ABCC9: variants seen among roughly 807,000 people sequenced by gnomAD.
The protein encoded by ABCC9 is ATP-binding cassette sub-family C member 9.
In ABCC9, 95 loss-of-function variants were observed where a neutral mutation model predicts 188.3. The ratio of observed to expected loss-of-function variants is 0.50; its 90% CI spans 0.43 to 0.60. ABCC9 has a LOEUF of 0.60. ABCC9 is among the 20% of genes least tolerant of loss of function. The pLI, the probability that ABCC9 is intolerant of heterozygous loss-of-function variation, is 0.00. For missense variants in ABCC9, 1,102 were observed against 1,876.3 expected (o/e 0.59, Z 7.62); for synonymous variants, 659 against 652.7 (o/e 1.01, Z -0.15).
chr12:21,817,344 T>G (rs1555179357), intron 32 of ABCC9, 37 bp from the exon 33 acceptor site: 1 of 1,606,896 alleles, frequency 6.2e-7, no homozygotes, highest in Non-Finnish European at 8.5e-7. Flanking sequence ...TTTAAATAAA[T>G]TAAAGTAAGA....
rs976494882 is a variant in ABCC9 at position 21,847,216 on chromosome 12, C to T, written c.2866+934G>A. ...CACAGTCAGCATCCCCACTGAAACA[C>T]TGAACAGAATAATTGGGTACAACTC... On this transcript the variant is annotated intron_variant, in intron 25 of 39. Coordinates refer to ENST00000261200, the MANE Select transcript of ABCC9 (RefSeq NM_020297.4). Among the ~76,000 whole-genome samples the T allele has an allele frequency of 2.6e-5, 4 of 152,094 alleles. No individual in the cohort carries two copies. The East Asian group carries it at 5.8e-4, about 22-fold the overall frequency.
intron 3 of ABCC9, among the ~76,000 whole-genome samples, chr12:21,934,551 C>G (rs1035213009): frequency 2.0e-5 from 3 of 151,956 alleles, no homozygotes; most frequent in Non-Finnish European, 4.4e-5. Context: ...GAAAAAAATT[C>G]AAGGTTGTAT....
At chr12:21,869,995 A>T (rs1439802049) in intron 18 of ABCC9, among the ~76,000 whole-genome samples, 1 of 152,180 alleles carries the variant, frequency 6.6e-6, no homozygotes, top group Non-Finnish European at 1.5e-5. Context: ...CCTGGATCAA[A>T]CTAGATGTTG....
At chr12:21,881,572 TCACCAATA>T (rs1175478403) in intron 16 of ABCC9, among the ~76,000 whole-genome samples, 1 of 152,170 alleles carries the variant, frequency 6.6e-6, no homozygotes, top group Non-Finnish European at 1.5e-5. Context: ...TGTTTTTTAT[TCACCAATA>T]CATTAGTTGT....
At chr12:21,933,713 A>T in intron 4 of ABCC9, 69 bp downstream of exon 4, 19 of 1,548,392 alleles carry the variant, frequency 1.2e-5, no homozygotes, top group Non-Finnish European at 1.7e-5. Flanking sequence ...AGTTACAAAG[A>T]TGTGAACTTG....
At chr12:21,859,296 C>T (rs935435163) in intron 22 of ABCC9, among the ~76,000 whole-genome samples, 2 of 152,072 alleles carry the variant, frequency 1.3e-5, no homozygotes, top group South Asian at 4.1e-4. Context: ...GATCCTGCCT[C>T]GTTCATCCAA....
At chr12:21,910,353 TA>T (rs748453906) in intron 9 of ABCC9, 41 bp from the exon 10 acceptor site, 1 of 1,508,662 alleles carries the variant, frequency 6.6e-7, no homozygotes, top group Non-Finnish European at 9.0e-7. Flanking sequence ...GCTCTAAACT[TA>T]AAATTGACAC....
intron 39 of ABCC9, among the ~76,000 whole-genome samples, chr12:21,802,810 C>T (rs1478475999): frequency 6.6e-6 from 1 of 152,102 alleles, no homozygotes; most frequent in Admixed American, 6.5e-5. Flanking sequence ...CTACCTAAAA[C>T]CATCCCCAGA....
At chr12:21,879,632 T>C (rs1231782852) in intron 16 of ABCC9, among the ~76,000 whole-genome samples, 1 of 152,172 alleles carries the variant, frequency 6.6e-6, no homozygotes, top group Non-Finnish European at 1.5e-5. Flanking sequence ...GAATTTTTTT[T>C]TTTTAAATTT....
rs986873889 is a variant in ABCC9 at position 21,805,911 on chromosome 12, A to C, written c.4512+87T>G. ...TTAGCAGAGAAATACATAATTCAAC[A>C]CAAGTATATTTTGCTAAAACCTAAA... On this transcript the variant is annotated intron_variant, in intron 39 of 39. Coordinates refer to ENST00000261200, the MANE Select transcript of ABCC9 (RefSeq NM_020297.4). 7.4e-6 allele frequency: 9 copies of C among 1,211,850 alleles called. No homozygotes were observed. In the African/African-American group the frequency reaches 1.3e-4, roughly 18 times the overall value. 75.1% of individuals were successfully genotyped at this position (1,211,850 alleles called of 1,614,324 possible). A position where few individuals can be genotyped will look rare whatever the true frequency, so the allele number is the denominator to read the frequency against.
intron 5 of ABCC9, among the ~76,000 whole-genome samples, chr12:21,919,101 A>G (rs992127445): frequency 2.6e-5 from 4 of 152,068 alleles, no homozygotes; most frequent in African/African-American, 7.2e-5. Flanking sequence ...ATTTTACAGT[A>G]TAAGGTTCAA....
intron 12 of ABCC9, among the ~76,000 whole-genome samples, chr12:21,899,116 CTT>C (rs754695275): frequency 6.6e-6 from 1 of 152,136 alleles, no homozygotes; most frequent in Non-Finnish European, 1.5e-5. Context: ...TAAACACACT[CTT>C]TGAGGCTGAA....
At chr12:21,910,443 A>C in intron 9 of ABCC9, 131 bp from the exon 10 acceptor site, 3 of 894,232 alleles carry the variant, frequency 3.4e-6, no homozygotes. Context: ...CTATAGGATC[A>C]TCTTCTTAAA....
In ABCC9 at chr12:21,800,957, G is replaced by T; in HGVS notation, c.*87C>A. On this transcript the variant is annotated 3_prime_UTR_variant, in exon 40 of 40. Transcript: ENST00000261200. Reference sequence around the variant, plus strand: ...CAAAAATCTGTAAAAGTTTTAAGATGCCACTTTACAGAGGTCAAGCTGATG... The same window carrying T: ...CAAAAATCTGTAAAAGTTTTAAGATTCCACTTTACAGAGGTCAAGCTGATG... 6.7e-7 allele frequency: 1 copy of T among 1,496,580 alleles called. No individual in the cohort carries two copies. Among genetic ancestry groups the T allele is most frequent in the Non-Finnish European group, 9.1e-7 (1 of 1,093,426 alleles). The allele number at this position is 1,496,580 out of a possible 1,614,324, so 92.7% of individuals were successfully genotyped here. A position where few individuals can be genotyped will look rare whatever the true frequency, so the allele number is the denominator to read the frequency against.
At chr12:21,888,042 C>T (rs527669439) in intron 14 of ABCC9, 108 bp from the exon 15 acceptor site, 1 of 815,102 alleles carries the variant, frequency 1.2e-6, no homozygotes, top group Non-Finnish European at 2.1e-6. Flanking sequence ...AGTAGGATGC[C>T]TGTGAGAGTC....
intron 5 of ABCC9, among the ~76,000 whole-genome samples, chr12:21,921,018 G>A (rs940725606): frequency 2.6e-5 from 4 of 152,056 alleles, no homozygotes; most frequent in Non-Finnish European, 5.9e-5. Context: ...TGTGAACAGT[G>A]TTGCAATAAA....
chr12:21,827,146 T>A, intron 31 of ABCC9: 2 of 985,426 alleles, frequency 2.0e-6, no homozygotes, highest in Non-Finnish European at 2.4e-6. Flanking sequence ...CAAACTAAAC[T>A]AAACAATTTT....
At chr12:21,830,336 G>T (rs746331721) in intron 30 of ABCC9, among the ~76,000 whole-genome samples, 2 of 152,074 alleles carry the variant, frequency 1.3e-5, no homozygotes, top group Non-Finnish European at 2.9e-5. Flanking sequence ...AAAAATAACT[G>T]GTTTGAAGGT....
At position 21,910,736 on chromosome 12, in the gene ABCC9, A is replaced by C. The variant is rs1422442559; in HGVS notation, c.1164+90T>G. ...GTAATACCAAAATGAAAATGGAATG[A>C]AAAAACAAAACTGAAGCTACCGCTA... On this transcript the variant is annotated intron_variant, in intron 9 of 39. Transcript: ENST00000261200. The C allele has an allele frequency of 1.3e-5, 16 of 1,272,944 alleles. No homozygotes were observed. In the African/African-American group the frequency reaches 1.9e-4, roughly 15 times the overall value. The allele number at this position is 1,272,944 out of a possible 1,614,324, so 78.9% of individuals were successfully genotyped here.
Sources: gnomAD v4.1 joint callset for allele counts (sites outside exome capture counted in the v4.1 genomes callset) on GRCh38, gnomAD v4.1.1 for gene constraint, MANE v1.5 for transcripts, NCBI Gene and HGNC (gene_info 2026-07-23, HGNC 2026-07-21) for gene names.